FAT1: variants seen among roughly 807,000 people sequenced by gnomAD.
FAT1 encodes the protein FAT atypical cadherin 1.
In FAT1, 171 loss-of-function variants were observed where a neutral mutation model predicts 329.8. The observed-to-expected ratio is 0.52, with a 90% CI of 0.46 to 0.59. The LOEUF (loss-of-function observed/expected upper bound fraction) is 0.59, where lower values mean the gene tolerates loss of function less well. Among genes scored for constraint, FAT1 ranks in the 20% least tolerant of loss-of-function variants. FAT1 has a pLI of 0.00. For missense variants in FAT1, 5,672 were observed against 5,774.4 expected (o/e 0.98, Z 0.57); for synonymous variants, 2,233 against 2,228.6 (o/e 1.00, Z -0.06).
At chr4:186,594,906 G>A (rs367754879) in intron 26 of FAT1, among the ~76,000 whole-genome samples, 131 of 151,400 alleles carry the variant, frequency 8.7e-4, no homozygotes, top group Non-Finnish European at 9.3e-4. Flanking sequence ...AATAATAAAC[G>A]TATTACGTTT....
At chr4:186,658,161 A>C (rs914202774) in intron 3 of FAT1, among the ~76,000 whole-genome samples, 2 of 152,256 alleles carry the variant, frequency 1.3e-5, no homozygotes, top group Non-Finnish European at 2.9e-5. Context: ...CAATGTCAAC[A>C]AAAGTGCATA....
At chr4:186,720,977 T>C (rs974857516) in intron 1 of FAT1, among the ~76,000 whole-genome samples, 2 of 152,282 alleles carry the variant, frequency 1.3e-5, no homozygotes, top group Admixed American at 1.3e-4. Context: ...TCATTTCCAA[T>C]AGCTCAGAAA....
At chr4:186,610,149 C>T in intron 14 of FAT1, 134 bp from the exon 15 acceptor site, 1 of 595,672 alleles carries the variant, frequency 1.7e-6, no homozygotes, top group South Asian at 2.2e-5. Flanking sequence ...ACGTATGTTT[C>T]CTATTTTCTT....
intron 2 of FAT1, among the ~76,000 whole-genome samples, chr4:186,696,418 C>A (rs1239738203): frequency 1.3e-5 from 2 of 152,156 alleles, no homozygotes; most frequent in Non-Finnish European, 2.9e-5. Context: ...TAAACACCTT[C>A]AGCTGGGCAA....
Position 186,588,688 on chromosome 4 carries a change from G to A in FAT1, c.13671C>T (p.Ser4557=), listed in dbSNP as rs539530918. Residue 4557 remains serine, a synonymous_variant, in exon 27 of 27, where the codon TCC becomes TCT. Coordinates refer to ENST00000441802, the MANE Select transcript of FAT1 (RefSeq NM_005245.4). The part of the protein sequence containing the change: ...SDVSACCEVE[S]EVMMSDYESG... ...TCTCATAGTCACTCATCATGACCTC[G>A]GACTCCACTTCGCAGCAGGCTGACA... The A allele has an allele frequency of 1.2e-6, 2 of 1,613,900 alleles. No individual in the cohort carries two copies. The highest frequency in any genetic ancestry group is 8.5e-7 in the Non-Finnish European group (1 of 1,179,884).
chr4:186,663,609 G>C lies in FAT1; in HGVS notation c.3270C>G (p.Val1090=), dbSNP rs2126618966. The change falls in exon 3 of 27, where the codon GTC becomes GTG. Residue 1090 remains valine, a synonymous_variant. Transcript: ENST00000441802. ...GGTCCAGTCGATCTGACGTCTCTATGACACCTACAGAGAAAAAAGAAAAGC... is the reference window on the plus strand; with the variant it reads ...GGTCCAGTCGATCTGACGTCTCTATCACACCTACAGAGAAAAAAGAAAAGC... ...GVFKIGEETG[V]IETSDRLDRE... 6.3e-7 allele frequency: 1 copy of C among 1,597,538 alleles called. No individual in the cohort carries two copies. Among genetic ancestry groups the C allele is most frequent in the Middle Eastern group, 1.7e-4 (1 of 6,008 alleles).
intron 3 of FAT1, among the ~76,000 whole-genome samples, chr4:186,642,478 CTA>C (rs1741145829): frequency 6.6e-6 from 1 of 152,204 alleles, no homozygotes; most frequent in African/African-American, 2.4e-5. Flanking sequence ...TTTCTTAAAA[CTA>C]TGAATGAGCA....
chr4:186,629,127 A>C (rs1740464744), intron 7 of FAT1, among the ~76,000 whole-genome samples: 2 of 152,328 alleles, frequency 1.3e-5, no homozygotes, highest in South Asian at 4.1e-4. Context: ...GATTTATAGA[A>C]GACTAATTTC....
chr4:186,635,504 A>G (rs1560954924), intron 6 of FAT1, among the ~76,000 whole-genome samples: 1 of 152,206 alleles, frequency 6.6e-6, no homozygotes, highest in Non-Finnish European at 1.5e-5. Context: ...ATAAAACTAA[A>G]AACCCATAGC....
In FAT1 at chr4:186,616,997, C is replaced by A. The variant is rs1200708921; in HGVS notation, c.9075+8G>T. ...ATAACACACAAATGTAAGGGAAGAG[C>A]TGCTTACCTTTTCACAAACTGGACT... is the stretch of plus-strand genomic sequence containing the variant. On this transcript the variant is annotated splice_region_variant and intron_variant, in intron 11 of 26. Transcript: ENST00000441802. The A allele has an allele frequency of 6.2e-7, 1 of 1,607,134 alleles. No homozygotes were observed. The highest frequency in any genetic ancestry group is 1.1e-5 in the South Asian group (1 of 89,814).
rs542790078 is a variant in FAT1, at chr4:186,665,324, G to T, written c.3266-1711C>A. 2.0e-5 allele frequency among the ~76,000 whole-genome samples: 3 copies of T among 152,298 alleles called. No homozygotes were observed. The East Asian group carries it at 5.8e-4, about 29-fold the overall frequency. On this transcript the variant is annotated intron_variant, in intron 2 of 26. Transcript: ENST00000441802. The stretch of plus-strand genomic sequence containing the variant: ...ACAGTCCCACCAACAGTGTTAAAGT[G>T]TTCCTATTTCTCCACATCCTCTCCA...
Position 186,633,772 on chromosome 4 carries a change from A to T in FAT1, c.4235T>A (p.Ile1412Asn), listed in dbSNP as rs1740699220. The T allele has an allele frequency of 1.2e-6, 2 of 1,613,988 alleles. No individual in the cohort carries two copies. Among genetic ancestry groups the T allele is most frequent in the African/African-American group, 2.7e-5 (2 of 75,034 alleles). The change falls in exon 7 of 27, where the codon ATT (isoleucine) becomes AAT (asparagine). Residue 1412 changes from isoleucine to asparagine, a missense_variant. This residue lies in a region of FAT1 where 3,966 missense variants were observed against 3,915.2 expected (regional missense o/e 1.01). Transcript: ENST00000441802. ...TTCTGCATCAAGAGGTTTGGCAACA[A>T]TGATGGTTCCAGTTCCCTTGTCCAC... ...FDVDKGTGTI[I>N]VAKPLDAEQK...
At position 186,596,424 on chromosome 4, in the gene FAT1, T is replaced by G; in HGVS notation, c.13000+116A>C. ...AAAGTTTCAAATCATCATACGGATTTCAGTCTGAGCATACTTGTCTCTAAT... is the reference window on the plus strand; with the variant it reads ...AAAGTTTCAAATCATCATACGGATTGCAGTCTGAGCATACTTGTCTCTAAT... On this transcript the variant is annotated intron_variant, in intron 25 of 26. Coordinates refer to ENST00000441802, the MANE Select transcript of FAT1 (RefSeq NM_005245.4). This position sits in a 1 kb window ranked among gnomAD's most constrained non-coding sequence, Gnocchi z 4.7. 8.5e-7 allele frequency: 1 copy of G among 1,176,580 alleles called. No individual in the cohort carries two copies. The highest frequency in any genetic ancestry group is 1.2e-6 in the Non-Finnish European group (1 of 844,512). 72.9% of individuals were successfully genotyped at this position (1,176,580 alleles called of 1,614,324 possible).
At position 186,714,224 on chromosome 4, in the gene FAT1, A is replaced by G. The variant is rs113849671; in HGVS notation, c.-18-4379T>C. Among the ~76,000 whole-genome samples the G allele has an allele frequency of 1.4e-3, 207 of 151,560 alleles. 1 individual carries two copies. Among genetic ancestry groups the G allele is most frequent in the African/African-American group, 4.9e-3 (202 of 41,292 alleles). Reference sequence around the variant, plus strand: ...TGGAGCGCGTGTGGGCTGGGGCACAACGGGGGTGGGGGGCAGATTGTGAAT... The same window carrying G: ...TGGAGCGCGTGTGGGCTGGGGCACAGCGGGGGTGGGGGGCAGATTGTGAAT... On this transcript the variant is annotated intron_variant, in intron 1 of 26. Transcript: ENST00000441802.
At position 186,636,463 on chromosome 4, in the gene FAT1, CCAG is replaced by C. The variant is rs3056148; in HGVS notation, c.3972+119_3972+121del. 4.2e-3 allele frequency: 4,506 copies of C among 1,083,788 alleles called. 136 individuals are homozygous for C. The African/African-American group carries it at 0.063, about 15-fold the overall frequency. The allele number at this position is 1,083,788 out of a possible 1,614,324, so 67.1% of individuals were successfully genotyped here. On this transcript the variant is annotated intron_variant, in intron 5 of 26. Transcript: ENST00000441802. The stretch of plus-strand genomic sequence containing the variant: ...CGTTATCCGGCATTGCCTAATGGGG[CCAG>C]CAGGTCACAAACACTTCAGCCGTTT...
chr4:186,638,326 C>G (rs915351784), intron 4 of FAT1, among the ~76,000 whole-genome samples: 3 of 152,268 alleles, frequency 2.0e-5, no homozygotes, highest in Admixed American at 2.0e-4. Context: ...GTGACGTATG[C>G]AATTAATGTG....
At position 186,707,254 on chromosome 4, in the gene FAT1, C is replaced by T. The variant is rs376884651; in HGVS notation, c.2574G>A (p.Thr858=). Residue 858 remains threonine, a synonymous_variant, in exon 2 of 27, where the codon ACG becomes ACA. Coordinates refer to ENST00000441802, the MANE Select transcript of FAT1 (RefSeq NM_005245.4). The part of the protein sequence containing the change: ...DKDLGPNGHV[T]YSIVTDTDTF... ...TGTCTGTGTCTGTAACAATTGAGTA[C>T]GTCACGTGTCCGTTGGGCCCCAGGT... 3.2e-5 allele frequency: 52 copies of T among 1,613,812 alleles called. No homozygotes were observed. Among genetic ancestry groups the T allele is most frequent in the African/African-American group, 4.0e-5 (3 of 74,904 alleles).
intron 12 of FAT1, 100 bp from the exon 13 acceptor site, chr4:186,613,442 G>T: frequency 1.2e-6 from 1 of 864,132 alleles, no homozygotes; most frequent in Non-Finnish European, 1.9e-6. Flanking sequence ...CTTAGTCTGA[G>T]TATTCACAGC....
At chr4:186,716,499 C>T (rs1745210784) in intron 1 of FAT1, among the ~76,000 whole-genome samples, 1 of 151,978 alleles carries the variant, frequency 6.6e-6, no homozygotes, top group Admixed American at 6.6e-5. Context: ...ACCATCATAG[C>T]TCACTGCAGC....
Sources: allele counts gnomAD v4.1 joint callset (sites outside exome capture counted in the v4.1 genomes callset), GRCh38; gene constraint gnomAD v4.1.1; regional missense constraint gnomAD v4.1.1; non-coding constraint Gnocchi (gnomAD v3.1); transcripts MANE v1.5; gene names NCBI Gene and HGNC (gene_info 2026-07-23, HGNC 2026-07-21).